The following CNTN5 variants were observed in gnomAD, a reference collection of about 807,000 sequenced individuals.
The protein encoded by CNTN5 is contactin 5.
In CNTN5, 77 loss-of-function variants were observed where a neutral mutation model predicts 129.1. The observed-to-expected ratio is 0.60, with a 90% CI of 0.50 to 0.72. The LOEUF is 0.72. CNTN5 is among the 30% of genes least tolerant of loss of function. The pLI is 0.00. For missense variants in CNTN5, 1,478 were observed against 1,328.8 expected (o/e 1.11, Z -1.75); for synonymous variants, 509 against 465.6 (o/e 1.09, Z -1.20).
intron 18 of CNTN5, among the ~76,000 whole-genome samples, chr11:100,276,454 C>G (rs896493230): frequency 1.4e-5 from 2 of 147,612 alleles, no homozygotes; most frequent in South Asian, 2.1e-4. Flanking sequence ...CATGAGAACC[C>G]GGGAGGCAGA....
At chr11:99,385,349 G>A (rs951960107) in intron 2 of CNTN5, among the ~76,000 whole-genome samples, 2 of 151,884 alleles carry the variant, frequency 1.3e-5, no homozygotes, top group Non-Finnish European at 2.9e-5. Flanking sequence ...CAAAAGTAAT[G>A]TAATCCAGCT....
At position 99,785,041 on chromosome 11, in the gene CNTN5, C is replaced by T. The variant is rs999767378; in HGVS notation, c.56-34503C>T. On this transcript the variant is annotated intron_variant, in intron 3 of 24. Coordinates refer to ENST00000524871, the MANE Select transcript of CNTN5 (RefSeq NM_014361.4). ...ATCTCTATCTCCTGACCTCGTGATC[C>T]GCCTGCCTCCGCCTGCCTCCACCTG... Among the ~76,000 whole-genome samples the T allele has an allele frequency of 4.8e-5, 7 of 147,070 alleles. No individual in the cohort carries two copies. In the East Asian group the frequency reaches 5.9e-4, roughly 12 times the overall value.
chr11:99,800,892 C>T (rs1946094143), intron 3 of CNTN5, among the ~76,000 whole-genome samples: 2 of 152,042 alleles, frequency 1.3e-5, no homozygotes, highest in East Asian at 3.9e-4. Context: ...CCACTCTGTT[C>T]CTTTTAAGTA....
intron 21 of CNTN5, among the ~76,000 whole-genome samples, chr11:100,333,796 A>C (rs1484448664): frequency 6.6e-6 from 1 of 152,246 alleles, no homozygotes; most frequent in East Asian, 1.9e-4. Flanking sequence ...AGATGGATCA[A>C]AGACTTAAAT....
At chr11:99,851,074 G>A (rs560951648) in intron 6 of CNTN5, among the ~76,000 whole-genome samples, 1 of 151,562 alleles carries the variant, frequency 6.6e-6, no homozygotes, top group East Asian at 1.9e-4. Flanking sequence ...GCTCTGTAGT[G>A]GTTCATCCAC....
At chr11:99,292,867 C>T (rs898039987) in intron 1 of CNTN5, among the ~76,000 whole-genome samples, 4 of 152,076 alleles carry the variant, frequency 2.6e-5, no homozygotes, top group Admixed American at 2.6e-4. Context: ...ATTAAATGGA[C>T]CAGCCACTTC....
chr11:99,813,706 A>G (rs1946497992), intron 3 of CNTN5, among the ~76,000 whole-genome samples: 2 of 152,154 alleles, frequency 1.3e-5, no homozygotes, highest in African/African-American at 4.8e-5. Flanking sequence ...AAGGAGATAA[A>G]AAGTTTCCAG....
At chr11:99,770,505 A>G (rs1266758132) in intron 3 of CNTN5, among the ~76,000 whole-genome samples, 1 of 152,050 alleles carries the variant, frequency 6.6e-6, no homozygotes, top group African/African-American at 2.4e-5. Flanking sequence ...GTGTCTGTAT[A>G]TAGTGAACAG....
chr11:99,714,415 AC>A (rs1234461074), intron 3 of CNTN5, among the ~76,000 whole-genome samples: 4 of 151,900 alleles, frequency 2.6e-5, no homozygotes, highest in Non-Finnish European at 5.9e-5. Context: ...TTTGAGTAGG[AC>A]CATCCTCATC....
chr11:100,080,750 A>G (rs1489693599), intron 13 of CNTN5, among the ~76,000 whole-genome samples: 1 of 152,138 alleles, frequency 6.6e-6, no homozygotes, highest in African/African-American at 2.4e-5. Context: ...ATAAACTTTA[A>G]GTATCTGGGT....
At chr11:99,067,417 T>C (rs1204219169) in intron 1 of CNTN5, among the ~76,000 whole-genome samples, 2 of 119,042 alleles carry the variant, frequency 1.7e-5, no homozygotes, top group African/African-American at 3.5e-5. Context: ...AGACAATCAA[T>C]GTTGACTAAA....
At chr11:99,419,572 G>C (rs1251475739) in intron 2 of CNTN5, among the ~76,000 whole-genome samples, 2 of 152,132 alleles carry the variant, frequency 1.3e-5, no homozygotes, top group Non-Finnish European at 2.9e-5. Flanking sequence ...TGACAGCAAT[G>C]AAATTAGTGA....
intron 1 of CNTN5, among the ~76,000 whole-genome samples, chr11:99,206,270 T>C (rs1057124044): frequency 2.0e-5 from 3 of 152,088 alleles, no homozygotes; most frequent in Non-Finnish European, 4.4e-5. Flanking sequence ...GGGTGGAATA[T>C]GTACTGTCAG....
chr11:99,934,423 T>G (rs941891458), intron 7 of CNTN5, among the ~76,000 whole-genome samples: 1 of 152,312 alleles, frequency 6.6e-6, no homozygotes, highest in Admixed American at 6.5e-5. Flanking sequence ...AAAATCTCAA[T>G]TTATATTGGA....
intron 7 of CNTN5, among the ~76,000 whole-genome samples, chr11:99,919,932 G>A (rs1226403801): frequency 6.6e-6 from 1 of 151,868 alleles, no homozygotes; most frequent in Non-Finnish European, 1.5e-5. Context: ...TGGGATTATA[G>A]GCATGAGCCA....
At chr11:99,149,346 C>G (rs1270624838) in intron 1 of CNTN5, among the ~76,000 whole-genome samples, 1 of 151,986 alleles carries the variant, frequency 6.6e-6, no homozygotes, top group African/African-American at 2.4e-5. Flanking sequence ...AGATGAGAGA[C>G]TTAAAAAATG....
At chr11:99,053,836 T>C (rs953021555) in intron 1 of CNTN5, among the ~76,000 whole-genome samples, 8 of 151,994 alleles carry the variant, frequency 5.3e-5, no homozygotes, top group African/African-American at 1.9e-4. Context: ...TTTATTTGCC[T>C]TATCCAAGGA....
At position 99,797,959 on chromosome 11, in the gene CNTN5, A is replaced by C. The variant is rs374963568; in HGVS notation, c.56-21585A>C. Among the ~76,000 whole-genome samples, 19 of 152,232 alleles carry C rather than the reference A, an allele frequency of 1.2e-4. 1 individual carries two copies. The highest frequency in any genetic ancestry group is 1.2e-3 in the Admixed American group (18 of 15,286). On this transcript the variant is annotated intron_variant, in intron 3 of 24. Coordinates refer to ENST00000524871, the MANE Select transcript of CNTN5 (RefSeq NM_014361.4). ...GTTTATCTTTTTTTAAAAAATATTTACTGAATTTTTATTTTACGTTCAAGG... is the reference window on the plus strand; with the variant it reads ...GTTTATCTTTTTTTAAAAAATATTTCCTGAATTTTTATTTTACGTTCAAGG...
At chr11:99,958,608 G>C (rs7941971) in intron 8 of CNTN5, among the ~76,000 whole-genome samples, 62,265 of 151,862 alleles carry the variant, frequency 0.41, 13,103 homozygotes, top group East Asian at 0.48. Context: ...AGAATAATGT[G>C]TATATATTAT....
Sources: gnomAD v4.1 joint callset for allele counts (sites outside exome capture counted in the v4.1 genomes callset) on GRCh38, gnomAD v4.1.1 for gene constraint, MANE v1.5 for transcripts, NCBI Gene and HGNC (gene_info 2026-07-23, HGNC 2026-07-21) for gene names.